Variants in HSPG2 observed in about 807,000 individuals in gnomAD.
The protein encoded by HSPG2 is heparan sulfate proteoglycan 2, also known as basement membrane-specific heparan sulfate proteoglycan core protein.
HSPG2 carries 278 observed loss-of-function variants against 526.6 expected under a neutral mutation model. That is an observed-to-expected ratio of 0.53 (90% CI 0.48 to 0.58). The LOEUF is 0.58. Among genes scored for constraint, HSPG2 ranks in the 20% least tolerant of loss-of-function variants. The probability of loss-of-function intolerance (pLI) is 0.00; values close to 1 mark genes in which losing one functional copy is unlikely to be tolerated. For missense variants in HSPG2, 5,354 were observed against 6,099.5 expected, an observed-to-expected ratio of 0.88 and a Z score of 4.07; for synonymous variants, 2,465 against 2,555.4, an observed-to-expected ratio of 0.96 and a Z score of 1.07.
At chr1:21,919,096 G>A (rs1402261901) in intron 1 of HSPG2, among the ~76,000 whole-genome samples, 3 of 152,336 alleles carry the variant, frequency 2.0e-5, no homozygotes, top group South Asian at 4.1e-4. Flanking sequence ...CAGCTGTGCC[G>A]AGCCTGCAGG....
chr1:21,853,146 C>T, intron 50 of HSPG2, 76 bp from the exon 51 acceptor site: 1 of 1,595,136 alleles, frequency 6.3e-7, no homozygotes, highest in East Asian at 2.2e-5. Flanking sequence ...AGGCTCTGGG[C>T]TGTGACCAGG....
Position 21,853,055 on chromosome 1 carries a change from C to T in HSPG2, c.6455G>A (p.Arg2152Gln), listed in dbSNP as rs543135354. 5.0e-6 allele frequency: 8 copies of T among 1,613,812 alleles called. No homozygotes were observed. Among genetic ancestry groups the T allele is most frequent in the African/African-American group, 4.0e-5 (3 of 75,048 alleles). The change falls in exon 51 of 97, where the codon CGG (arginine) becomes CAG (glutamine). Residue 2152 changes from arginine to glutamine, a missense_variant. Coordinates refer to ENST00000374695, the MANE Select transcript of HSPG2 (RefSeq NM_005529.7). ...PSYTPVPGST[R>Q]PIRIEPSSSH... ...GGAGGAGGGCTCGATGCGGATGGGC[C>T]GGGTGCTGCCGGGCACTGGACACAG...
chr1:21,936,383 G>C (rs1644488728), intron 1 of HSPG2, among the ~76,000 whole-genome samples: 1 of 152,224 alleles, frequency 6.6e-6, no homozygotes, highest in Non-Finnish European at 1.5e-5. Flanking sequence ...CTGGGAAGAG[G>C]AAAGCTGGGG....
At position 21,834,705 on chromosome 1, in the gene HSPG2, T is replaced by C. The variant is rs1488859016; in HGVS notation, c.10694A>G (p.Gln3565Arg). The C allele has an allele frequency of 6.2e-7, 1 of 1,614,144 alleles. No homozygotes were observed. The highest frequency in any genetic ancestry group is 8.5e-7 in the Non-Finnish European group (1 of 1,180,028). Reference sequence around the variant, plus strand: ...TTGCACAAGCAGCAGGACGTGGGATTGTGTGGTGCCAGCTGCGTTGGTGGC... The same window carrying C: ...TTGCACAAGCAGCAGGACGTGGGATCGTGTGGTGCCAGCTGCGTTGGTGGC... ...CTATNAAGTT[Q>R]SHVLLLVQAL... Residue 3565 changes from glutamine to arginine, a missense_variant, in exon 77 of 97, where the codon CAA becomes CGA. Gln to Arg is a conservative substitution (Grantham distance 43, BLOSUM62 1). Coordinates refer to ENST00000374695, the MANE Select transcript of HSPG2 (RefSeq NM_005529.7).
At chr1:21,905,082 T>C (rs1280083028) in intron 1 of HSPG2, among the ~76,000 whole-genome samples, 1 of 151,942 alleles carries the variant, frequency 6.6e-6, no homozygotes, top group Non-Finnish European at 1.5e-5. Context: ...TTCCCACGAC[T>C]CCTGACTCAC....
At position 21,865,812 on chromosome 1, in the gene HSPG2, G is replaced by T; in HGVS notation, c.4222-3C>A. On this transcript the variant is annotated splice_region_variant and splice_polypyrimidine_tract_variant and intron_variant, in intron 33 of 96. Transcript: ENST00000374695. The surrounding 1 kb of genome is among the most constrained non-coding windows in gnomAD (Gnocchi z 5.4). ...AACTTCCCACCGTAGGCCGCCACCT[G>T]CAAAGAGGCAAGCCCAGAGGTCACA... The T allele has an allele frequency of 2.5e-6, 4 of 1,611,750 alleles. No homozygotes were observed. The highest frequency in any genetic ancestry group is 3.4e-6 in the Non-Finnish European group (4 of 1,178,308).
At chr1:21,862,936 T>C (rs1037017472) in intron 37 of HSPG2, among the ~76,000 whole-genome samples, 1 of 151,608 alleles carries the variant, frequency 6.6e-6, no homozygotes, top group Non-Finnish European at 1.5e-5. Flanking sequence ...GGCAGGTGCC[T>C]GTAATCCCAG....
chr1:21,857,473 A>C (rs780060540), intron 42 of HSPG2, 88 bp from the exon 43 acceptor site: 12 of 1,167,714 alleles, frequency 1.0e-5, no homozygotes, highest in Non-Finnish European at 1.5e-5. Flanking sequence ...ACCTCTAGGC[A>C]TCACTTCCTT....
intron 91 of HSPG2, chr1:21,825,204 T>C (rs1161286693): frequency 7.9e-5 from 18 of 228,678 alleles, no homozygotes; most frequent in Middle Eastern, 1.8e-3. Flanking sequence ...AGCACATATA[T>C]AGCAAGTCAG....
intron 1 of HSPG2, among the ~76,000 whole-genome samples, chr1:21,897,821 C>T (rs552787116): frequency 2.0e-3 from 304 of 152,254 alleles, no homozygotes; most frequent in Non-Finnish European, 3.1e-3. Flanking sequence ...GCATACATAT[C>T]TCATTACTGA....
intron 21 of HSPG2, among the ~76,000 whole-genome samples, chr1:21,877,147 A>G (rs1189979838): frequency 1.3e-5 from 2 of 152,036 alleles, no homozygotes; most frequent in East Asian, 1.9e-4. Context: ...CCCACTTAAC[A>G]AGCACTTAGG....
intron 55 of HSPG2, 189 bp downstream of exon 55, chr1:21,851,357 T>C: frequency 1.4e-6 from 1 of 721,198 alleles, no homozygotes; most frequent in East Asian, 2.7e-5. Flanking sequence ...ACAAGCTAAG[T>C]GGTGGAGCCA....
chr1:21,890,738 A>G lies in HSPG2; in HGVS notation c.245-44T>C, dbSNP rs979136470. ...ATCATTTTGAGAGCCCCAGCCTGGC[A>G]TCTAGTGGCCTTAGGCAGTTGGACC... On this transcript the variant is annotated intron_variant, in intron 3 of 96. Transcript: ENST00000374695. The surrounding 1 kb of genome is among the most constrained non-coding windows in gnomAD (Gnocchi z 4.1). 18 of 1,450,518 alleles carry G rather than the reference A, an allele frequency of 1.2e-5. 1 individual carries two copies. Among genetic ancestry groups the G allele is most frequent in the Non-Finnish European group, 1.7e-5 (18 of 1,036,854 alleles). The allele number at this position is 1,450,518 out of a possible 1,614,324, so 89.9% of individuals were successfully genotyped here. A position where few individuals can be genotyped will look rare whatever the true frequency, so the allele number is the denominator to read the frequency against.
chr1:21,927,404 G>C (rs371288098), intron 1 of HSPG2, among the ~76,000 whole-genome samples: 2 of 151,938 alleles, frequency 1.3e-5, no homozygotes, highest in Non-Finnish European at 2.9e-5. Context: ...ATTTAGAGTC[G>C]AGCAGCCCCA....
chr1:21,851,568 C>A lies in HSPG2; in HGVS notation c.7136G>T (p.Gly2379Val). The A allele has an allele frequency of 6.2e-7, 1 of 1,614,016 alleles. No individual in the cohort carries two copies. The highest frequency in any genetic ancestry group is 2.2e-5 in the East Asian group (1 of 44,886). Residue 2379 changes from glycine to valine, a missense_variant, in exon 55 of 97, where the codon GGC becomes GTC. Gly to Val is a moderately radical substitution (Grantham distance 109). Transcript: ENST00000374695. Reference protein sequence around the residue: ...HAQVTWHKRGGSLPVRHQTHG... With the variant: ...HAQVTWHKRGVSLPVRHQTHG... ...TACCTGGTGCCGGACAGGGAGGCTGCCCCCACGCTTGTGCCACGTGACCTG... is the reference window on the plus strand; with the variant it reads ...TACCTGGTGCCGGACAGGGAGGCTGACCCCACGCTTGTGCCACGTGACCTG...
At chr1:21,905,042 G>A (rs763298833) in intron 1 of HSPG2, among the ~76,000 whole-genome samples, 14 of 152,062 alleles carry the variant, frequency 9.2e-5, no homozygotes, top group South Asian at 6.2e-4. Context: ...TAACAACCAC[G>A]GCCGCTTCCT....
intron 1 of HSPG2, among the ~76,000 whole-genome samples, chr1:21,901,585 T>C (rs1643105111): frequency 6.6e-6 from 1 of 152,066 alleles, no homozygotes; most frequent in Non-Finnish European, 1.5e-5. Flanking sequence ...AGACACATTG[T>C]TCACATGCCT....
At chr1:21,871,847 G>A (rs1157532730) in intron 33 of HSPG2, among the ~76,000 whole-genome samples, 2 of 152,226 alleles carry the variant, frequency 1.3e-5, no homozygotes, top group African/African-American at 4.8e-5. Context: ...GAATGACACT[G>A]AAACTGTGTC....
At chr1:21,903,704 G>A (rs538186934) in intron 1 of HSPG2, among the ~76,000 whole-genome samples, 10 of 152,364 alleles carry the variant, frequency 6.6e-5, no homozygotes, top group Admixed American at 5.9e-4. Flanking sequence ...CATGTGGAAT[G>A]AGGCGGTGAT....
Sources: allele counts gnomAD v4.1 joint callset (sites outside exome capture counted in the v4.1 genomes callset), GRCh38; gene constraint gnomAD v4.1.1; non-coding constraint Gnocchi (gnomAD v3.1); transcripts MANE v1.5; gene names NCBI Gene and HGNC (gene_info 2026-07-23, HGNC 2026-07-21).